The following FGF14 variants were observed in gnomAD, a reference collection of about 807,000 sequenced individuals.
The protein encoded by FGF14 is fibroblast growth factor 14, also known as fibroblast growth factor homologous factor 4.
A neutral mutation model predicts 25.5 loss-of-function variants in FGF14; 5 were observed. The ratio of observed to expected loss-of-function variants is 0.20; its 90% CI spans 0.10 to 0.41. The LOEUF is 0.41. Among genes scored for constraint, FGF14 ranks in the 10% least tolerant of loss-of-function variants. FGF14 has a pLI of 1.00. For missense variants in FGF14, 222 were observed against 320.1 expected (o/e 0.69, Z 2.34); for synonymous variants, 138 against 118.3 (o/e 1.17, Z -1.08).
At chr13:101,753,863 G>A (rs549025027) in intron 3 of FGF14, among the ~76,000 whole-genome samples, 2 of 151,810 alleles carry the variant, frequency 1.3e-5, no homozygotes, top group African/African-American at 4.8e-5. Context: ...TCTGGTACTC[G>A]TTATTGAGTA....
At chr13:102,094,859 T>C (rs1053385450) in intron 1 of FGF14, among the ~76,000 whole-genome samples, 4 of 152,106 alleles carry the variant, frequency 2.6e-5, no homozygotes, top group Admixed American at 6.6e-5. Flanking sequence ...TAGAACCCCA[T>C]AGTTCAACAA....
At chr13:102,392,966 C>T (rs1274505021) in intron 1 of FGF14, among the ~76,000 whole-genome samples, 1 of 152,146 alleles carries the variant, frequency 6.6e-6, no homozygotes, top group Non-Finnish European at 1.5e-5. Flanking sequence ...ACCTTGCAAC[C>T]CCACTCACTA....
chr13:101,825,306 G>A (rs1299199865), intron 3 of FGF14, among the ~76,000 whole-genome samples: 1 of 152,196 alleles, frequency 6.6e-6, no homozygotes, highest in Non-Finnish European at 1.5e-5. Flanking sequence ...GAGAGTTGAA[G>A]TGTGTGAAGA....
chr13:101,769,167 AAAG>A (rs1566877750), intron 3 of FGF14, among the ~76,000 whole-genome samples: 1 of 152,188 alleles, frequency 6.6e-6, no homozygotes, highest in Admixed American at 6.5e-5. Flanking sequence ...ATAAGTTGCC[AAAG>A]AAGATATACA....
intron 1 of FGF14, among the ~76,000 whole-genome samples, chr13:102,069,803 C>T (rs1438939281): frequency 6.6e-6 from 1 of 152,202 alleles, no homozygotes; most frequent in Non-Finnish European, 1.5e-5. Flanking sequence ...TTCTTGAAGT[C>T]AGTGAGACCA....
At chr13:102,169,239 C>T (rs2048146377) in intron 1 of FGF14, among the ~76,000 whole-genome samples, 1 of 151,836 alleles carries the variant, frequency 6.6e-6, no homozygotes, top group South Asian at 2.1e-4. Context: ...CTTACTTGTG[C>T]TTCCCCACAT....
rs1595064857 is a variant in FGF14 at position 102,400,617 on chromosome 13, G to C, written c.208+854C>G. ...CCGACTCCCCAAATCAGATGCATTT[G>C]CATTTCTTATGTAATGTACTGCAAG... On this transcript the variant is annotated intron_variant, in intron 1 of 4. Coordinates refer to the FGF14 transcript ENST00000376131. The surrounding 1 kb of genome is among the most constrained non-coding windows in gnomAD (Gnocchi z 4.3). Among the ~76,000 whole-genome samples the C allele has an allele frequency of 6.6e-6, 1 of 152,224 alleles. No homozygotes were observed. Among genetic ancestry groups the C allele is most frequent in the African/African-American group, 2.4e-5 (1 of 41,466 alleles).
At chr13:102,181,963 C>A (rs2048693106) in intron 1 of FGF14, among the ~76,000 whole-genome samples, 1 of 152,142 alleles carries the variant, frequency 6.6e-6, no homozygotes, top group Admixed American at 6.6e-5. Context: ...ACCTTGATTT[C>A]TGATTTTTAG....
At chr13:102,068,773 T>C (rs946394408) in intron 1 of FGF14, among the ~76,000 whole-genome samples, 4 of 152,336 alleles carry the variant, frequency 2.6e-5, no homozygotes, top group Admixed American at 6.5e-5. Flanking sequence ...CATGGGCTCC[T>C]GTGCGGCCCG....
chr13:101,755,719 C>G (rs2037603659), intron 3 of FGF14, among the ~76,000 whole-genome samples: 1 of 152,134 alleles, frequency 6.6e-6, no homozygotes, highest in South Asian at 2.1e-4. Context: ...TAGTCTGCAA[C>G]TGGTGGGAAA....
intron 1 of FGF14, among the ~76,000 whole-genome samples, chr13:101,987,990 C>A (rs187619704): frequency 1.1e-3 from 160 of 152,008 alleles, no homozygotes; most frequent in South Asian, 3.9e-3. Context: ...TCTAGAATCA[C>A]GAATGAAATA....
intron 1 of FGF14, among the ~76,000 whole-genome samples, chr13:102,034,237 A>G (rs1044700220): frequency 6.6e-6 from 1 of 152,164 alleles, no homozygotes; most frequent in African/African-American, 2.4e-5. Context: ...AGCTGACTCA[A>G]TGGAGCACGA....
chr13:102,257,496 C>T (rs1235605276), intron 1 of FGF14, among the ~76,000 whole-genome samples: 2 of 151,312 alleles, frequency 1.3e-5, no homozygotes, highest in Non-Finnish European at 2.9e-5. Flanking sequence ...GGACTATAGG[C>T]ATACATCACA....
chr13:102,272,266 C>T (rs1335028619), intron 1 of FGF14, among the ~76,000 whole-genome samples: 1 of 152,252 alleles, frequency 6.6e-6, no homozygotes, highest in Non-Finnish European at 1.5e-5. Flanking sequence ...ATATCACAAA[C>T]GCAGAGAAGC....
intron 3 of FGF14, among the ~76,000 whole-genome samples, chr13:101,767,854 A>G (rs945118636): frequency 1.3e-5 from 2 of 152,162 alleles, no homozygotes; most frequent in African/African-American, 4.8e-5. Flanking sequence ...GAGAGAAACA[A>G]TTACTTTTTT....
chr13:101,824,527 A>T (rs768877097), intron 3 of FGF14, among the ~76,000 whole-genome samples: 30 of 152,184 alleles, frequency 2.0e-4, no homozygotes, highest in Admixed American at 7.2e-4. Flanking sequence ...TAAGGTAAAT[A>T]AATATTTGGT....
intron 1 of FGF14, among the ~76,000 whole-genome samples, chr13:102,319,289 T>C (rs537874362): frequency 1.8e-4 from 27 of 152,196 alleles, no homozygotes; most frequent in Non-Finnish European, 3.4e-4. Flanking sequence ...TCTAGATGCA[T>C]GAATCCATGT....
intron 1 of FGF14, among the ~76,000 whole-genome samples, chr13:102,305,060 T>C (rs1040634166): frequency 5.3e-5 from 8 of 152,270 alleles, no homozygotes; most frequent in Middle Eastern, 3.4e-3. Context: ...AAAGTAAACC[T>C]GAAAAGTCAT....
chr13:102,044,117 C>T (rs1489837386), intron 1 of FGF14, among the ~76,000 whole-genome samples: 1 of 152,116 alleles, frequency 6.6e-6, no homozygotes, highest in Non-Finnish European at 1.5e-5. Context: ...ACAGCTGGAA[C>T]ATGTGCTTTC....
Sources: allele counts gnomAD v4.1 joint callset (sites outside exome capture counted in the v4.1 genomes callset), GRCh38; gene constraint gnomAD v4.1.1; non-coding constraint Gnocchi (gnomAD v3.1); transcripts MANE v1.5; gene names NCBI Gene and HGNC (gene_info 2026-07-23, HGNC 2026-07-21).